The following TGFBR1 variants were observed in gnomAD, a reference collection of about 807,000 sequenced individuals.
The protein encoded by TGFBR1 is transforming growth factor beta receptor 1.
TGFBR1 carries 20 observed loss-of-function variants against 55.1 expected under a neutral mutation model. That is an observed-to-expected ratio of 0.36 (90% CI 0.26 to 0.53). The LOEUF (loss-of-function observed/expected upper bound fraction) is 0.53, where lower values mean the gene tolerates loss of function less well. Among genes scored for constraint, TGFBR1 ranks in the 20% least tolerant of loss-of-function variants. The pLI, the probability that TGFBR1 is intolerant of heterozygous loss-of-function variation, is 0.91. For synonymous variants in TGFBR1, 220 were observed against 214.8 expected (o/e 1.02, Z -0.21); for missense variants, 385 against 617.6 (o/e 0.62, Z 3.99).
Position 99,152,929 on chromosome 9 carries a change from CA to C in TGFBR1, c.*3626del, listed in dbSNP as rs781486193. On this transcript the variant is annotated 3_prime_UTR_variant, in exon 9 of 9. Coordinates refer to ENST00000374994, the MANE Select transcript of TGFBR1 (RefSeq NM_004612.4). The stretch of plus-strand genomic sequence containing the variant: ...CATTAAACTTTTCAATCCCATTATG[CA>C]ATCTTGTTTGTAAATGTAAACTTCT... The C allele has an allele frequency of 6.5e-5, 15 of 229,840 alleles. No homozygotes were observed. The highest frequency in any genetic ancestry group is 1.0e-4 in the Non-Finnish European group (12 of 115,726). The allele number at this position is 229,840 out of a possible 1,614,324, so 14.2% of individuals were successfully genotyped here.
At chr9:99,124,246 C>T (rs1415953437) in intron 1 of TGFBR1, among the ~76,000 whole-genome samples, 2 of 152,140 alleles carry the variant, frequency 1.3e-5, no homozygotes, top group Non-Finnish European at 2.9e-5. Flanking sequence ...TTTTAATTAT[C>T]TGTTTAATGC....
intron 1 of TGFBR1, among the ~76,000 whole-genome samples, chr9:99,115,411 T>C (rs186139366): frequency 6.6e-6 from 1 of 152,358 alleles, no homozygotes; most frequent in East Asian, 1.9e-4. Flanking sequence ...TATAAGATTC[T>C]TAAATATGCA....
chr9:99,142,740 A>G, intron 5 of TGFBR1, 37 bp downstream of exon 5: 1 of 1,607,776 alleles, frequency 6.2e-7, no homozygotes, highest in Non-Finnish European at 8.5e-7. Flanking sequence ...TAAGCTTTAA[A>G]TTTTCATGAA....
chr9:99,135,297 C>T (rs557774961), intron 3 of TGFBR1, among the ~76,000 whole-genome samples: 1 of 152,286 alleles, frequency 6.6e-6, no homozygotes, highest in Non-Finnish European at 1.5e-5. Context: ...CAGAAAATGC[C>T]ATCTGTTTCC....
In TGFBR1 at chr9:99,147,785, G is replaced by A; in HGVS notation, c.1386+1G>A. The stretch of plus-strand genomic sequence containing the variant: ...CCCAAACAGATGGCAGAGCTGTGAA[G>A]TGAGTATTTCTTTTTGATATTAGGC... On this transcript the variant is annotated splice_donor_variant, in intron 8 of 8. Transcript: ENST00000374994. LOFTEE classifies it high-confidence loss of function. 1 of 1,613,716 alleles carries A rather than the reference G, an allele frequency of 6.2e-7. No individual in the cohort carries two copies. The highest frequency in any genetic ancestry group is 8.5e-7 in the Non-Finnish European group (1 of 1,179,748).
At chr9:99,145,170 C>T (rs987221474) in intron 6 of TGFBR1, among the ~76,000 whole-genome samples, 1 of 152,174 alleles carries the variant, frequency 6.6e-6, no homozygotes, top group Non-Finnish European at 1.5e-5. Flanking sequence ...ATGTGCCAAT[C>T]GTCTAATAGG....
At position 99,132,746 on chromosome 9, in the gene TGFBR1, T is replaced by A. The variant is rs759636196; in HGVS notation, c.574+7T>A. On this transcript the variant is annotated splice_region_variant and intron_variant, in intron 3 of 8. Transcript: ENST00000374994. ...ACGTCAGGTTCTGGCTCAGGTAACA[T>A]AATTGTTTCTCCTTTTTCCTAAGAC... 12 of 1,613,966 alleles carry A rather than the reference T, an allele frequency of 7.4e-6. No individual in the cohort carries two copies. In the East Asian group the frequency reaches 2.7e-4, roughly 36 times the overall value.
intron 1 of TGFBR1, among the ~76,000 whole-genome samples, chr9:99,116,969 A>C (rs1826763432): frequency 6.6e-6 from 1 of 152,230 alleles, no homozygotes; most frequent in Admixed American, 6.5e-5. Flanking sequence ...GAAATAATAC[A>C]AAAGCTCCTT....
intron 2 of TGFBR1, among the ~76,000 whole-genome samples, chr9:99,130,287 G>A (rs976730616): frequency 6.6e-6 from 1 of 152,172 alleles, no homozygotes; most frequent in African/African-American, 2.4e-5. Context: ...TCCCTTTTAG[G>A]AAGCACCTGG....
chr9:99,136,649 C>T (rs1281952708), intron 3 of TGFBR1, among the ~76,000 whole-genome samples: 1 of 152,084 alleles, frequency 6.6e-6, no homozygotes, highest in Non-Finnish European at 1.5e-5. Context: ...AACTACTTTA[C>T]AGGAGGTGGG....
At chr9:99,111,338 C>T (rs1236913407) in intron 1 of TGFBR1, among the ~76,000 whole-genome samples, 1 of 80,902 alleles carries the variant, frequency 1.2e-5, no homozygotes, top group Admixed American at 1.9e-4. Context: ...GTATAAAAAA[C>T]CATTCTTGGG....
intron 3 of TGFBR1, among the ~76,000 whole-genome samples, chr9:99,135,971 C>T (rs1317682590): frequency 6.6e-6 from 1 of 151,342 alleles, no homozygotes; most frequent in East Asian, 2.0e-4. Context: ...TCTCCTGCCT[C>T]AGCCTCCTGA....
In TGFBR1 at chr9:99,151,590, A is replaced by G. The variant is rs1418399289; in HGVS notation, c.*2285A>G. 1 of 230,058 alleles carries G rather than the reference A, an allele frequency of 4.3e-6. No individual in the cohort carries two copies. The highest frequency in any genetic ancestry group is 2.2e-5 in the African/African-American group (1 of 45,160). The allele number at this position is 230,058 out of a possible 1,614,324, so 14.3% of individuals were successfully genotyped here. A position where few individuals can be genotyped will look rare whatever the true frequency, so the allele number is the denominator to read the frequency against. Reference sequence around the variant, plus strand: ...ATGTAAGGTTATCCACTTTTGCTGAAGATATTTTTTATTGAATCAAAGATT... The same window carrying G: ...ATGTAAGGTTATCCACTTTTGCTGAGGATATTTTTTATTGAATCAAAGATT... On this transcript the variant is annotated 3_prime_UTR_variant, in exon 9 of 9. Coordinates refer to ENST00000374994, the MANE Select transcript of TGFBR1 (RefSeq NM_004612.4).
In TGFBR1 at chr9:99,150,908, G is replaced by T; in HGVS notation, c.*1603G>T. On this transcript the variant is annotated 3_prime_UTR_variant, in exon 9 of 9. Transcript: ENST00000374994. ...TCTCTGCAGGGCTTTTACAGTTTTCGAAGTCCTTTTATCACTGTGATCTTA... is the reference window on the plus strand; with the variant it reads ...TCTCTGCAGGGCTTTTACAGTTTTCTAAGTCCTTTTATCACTGTGATCTTA... 4.5e-6 allele frequency: 1 copy of T among 222,686 alleles called. No homozygotes were observed. The highest frequency in any genetic ancestry group is 9.0e-6 in the Non-Finnish European group (1 of 111,046). 13.8% of individuals were successfully genotyped at this position (222,686 alleles called of 1,614,324 possible). A position where few individuals can be genotyped will look rare whatever the true frequency, so the allele number is the denominator to read the frequency against.
intron 1 of TGFBR1, among the ~76,000 whole-genome samples, chr9:99,111,146 A>G (rs1226028174): frequency 6.6e-6 from 1 of 152,098 alleles, no homozygotes; most frequent in African/African-American, 2.4e-5. Flanking sequence ...ATAGTTGATC[A>G]CTTACTATTT....
chr9:99,142,164 T>A (rs546725762), intron 4 of TGFBR1, among the ~76,000 whole-genome samples: 120 of 152,290 alleles, frequency 7.9e-4, no homozygotes, highest in Non-Finnish European at 4.4e-4. Context: ...TCCTTTTTTT[T>A]AACCTTCTCT....
chr9:99,115,319 G>A (rs886679024), intron 1 of TGFBR1, among the ~76,000 whole-genome samples: 3 of 151,690 alleles, frequency 2.0e-5, no homozygotes, highest in Non-Finnish European at 4.4e-5. Context: ...GATTTCCTAG[G>A]TGTAAACCTC....
intron 1 of TGFBR1, among the ~76,000 whole-genome samples, chr9:99,119,841 A>G (rs964964094): frequency 6.6e-6 from 1 of 152,226 alleles, no homozygotes; most frequent in Non-Finnish European, 1.5e-5. Context: ...GCTGATAGGT[A>G]CCATGAACAT....
chr9:99,142,500 C>A, intron 4 of TGFBR1, 36 bp from the exon 5 acceptor site: 2 of 1,613,036 alleles, frequency 1.2e-6, no homozygotes, highest in South Asian at 2.2e-5. Flanking sequence ...CATAAATGGT[C>A]TGCAGCCCAA....
Sources: allele counts gnomAD v4.1 joint callset (sites outside exome capture counted in the v4.1 genomes callset), GRCh38; gene constraint gnomAD v4.1.1; transcripts MANE v1.5; gene names NCBI Gene and HGNC (gene_info 2026-07-23, HGNC 2026-07-21).